The following ARL8A variants were observed in gnomAD, a reference collection of about 807,000 sequenced individuals.
The protein encoded by ARL8A is ARF like GTPase 8A, also known as ADP-ribosylation factor-like protein 8A.
ARL8A carries 10 observed loss-of-function variants against 31.2 expected under a neutral mutation model. The ratio of observed to expected loss-of-function variants is 0.32; its 90% CI spans 0.20 to 0.54. ARL8A has a LOEUF of 0.54. Ranked by LOEUF, ARL8A falls within the 20% of genes least tolerant of loss-of-function variation. The probability of loss-of-function intolerance (pLI) is 0.93; values close to 1 mark genes in which losing one functional copy is unlikely to be tolerated. For synonymous variants in ARL8A, 70 were observed against 86.9 expected (o/e 0.81, Z 1.08); for missense variants, 129 against 242.8 (o/e 0.53, Z 3.12).
At chr1:202,143,263 C>T (rs1655209041) in intron 1 of ARL8A, among the ~76,000 whole-genome samples, 1 of 152,214 alleles carries the variant, frequency 6.6e-6, no homozygotes, top group Non-Finnish European at 1.5e-5. Flanking sequence ...CTTCATGCCT[C>T]AGGTCCAATG....
chr1:202,135,370 A>G lies in ARL8A; in HGVS notation c.440+89T>C, dbSNP rs1315471886. The stretch of plus-strand genomic sequence containing the variant: ...TCGGCTCTGCTGCCACCGTGTGGCT[A>G]ATACTAAGAACAGCAGCAAGCCTAG... On this transcript the variant is annotated intron_variant, in intron 5 of 6. Transcript: ENST00000272217. This position sits in a 1 kb window ranked among gnomAD's most constrained non-coding sequence, Gnocchi z 5.3. The G allele has an allele frequency of 2.6e-6, 4 of 1,525,070 alleles. No homozygotes were observed. The East Asian group carries it at 6.8e-5, about 26-fold the overall frequency. The allele number at this position is 1,525,070 out of a possible 1,614,324, so 94.5% of individuals were successfully genotyped here.
rs1655055565 is a variant in ARL8A at position 202,137,891 on chromosome 1, T to G, written c.278+74A>C. On this transcript the variant is annotated intron_variant, in intron 3 of 6. Coordinates refer to ENST00000272217, the MANE Select transcript of ARL8A (RefSeq NM_138795.4). ...TATGTCTAATAAAACCCTGCGCCTC[T>G]GAGGTCCTCGAAGGTAGCAGGGCTA... The G allele has an allele frequency of 7.9e-6, 12 of 1,524,086 alleles. No homozygotes were observed. In the South Asian group the frequency reaches 1.1e-4, roughly 14 times the overall value. 94.4% of individuals were successfully genotyped at this position (1,524,086 alleles called of 1,614,324 possible). A position where few individuals can be genotyped will look rare whatever the true frequency, so the allele number is the denominator to read the frequency against.
In ARL8A at chr1:202,144,378, G is replaced by A. The variant is rs866473269; in HGVS notation, c.123+72C>T. ...CCAGGCGGCGACCCCGGCTCAGCAG[G>A]GCGCGGCGCGGGCGGGGACAGGCCC... On this transcript the variant is annotated intron_variant, in intron 1 of 6. Transcript: ENST00000272217. This position sits in a 1 kb window ranked among gnomAD's most constrained non-coding sequence, Gnocchi z 5.2. 9.0e-6 allele frequency: 9 copies of A among 1,003,450 alleles called. 1 individual carries two copies. In the Middle Eastern group the frequency reaches 1.7e-3, roughly 186 times the overall value. 62.2% of individuals were successfully genotyped at this position (1,003,450 alleles called of 1,614,324 possible). A position where few individuals can be genotyped will look rare whatever the true frequency, so the allele number is the denominator to read the frequency against.
At chr1:202,142,679 T>C (rs1027702739) in intron 1 of ARL8A, among the ~76,000 whole-genome samples, 4 of 152,212 alleles carry the variant, frequency 2.6e-5, no homozygotes, top group Non-Finnish European at 5.9e-5. Flanking sequence ...CAGGAACTCT[T>C]GACCCTGGCA....
At position 202,144,583 on chromosome 1, in the gene ARL8A, G is replaced by C; in HGVS notation, c.-11C>G. On this transcript the variant is annotated 5_prime_UTR_variant, in exon 1 of 7. Coordinates refer to ENST00000272217, the MANE Select transcript of ARL8A (RefSeq NM_138795.4). This position sits in a 1 kb window ranked among gnomAD's most constrained non-coding sequence, Gnocchi z 5.2. The stretch of plus-strand genomic sequence containing the variant: ...GAACAAAGCGATCATGGTCGCTGCC[G>C]CCGGCCCCGCCCGGTGCCAGGTCCC... 1 of 1,409,244 alleles carries C rather than the reference G, an allele frequency of 7.1e-7. No homozygotes were observed. Among genetic ancestry groups the C allele is most frequent in the Non-Finnish European group, 9.4e-7 (1 of 1,059,320 alleles). 87.3% of individuals were successfully genotyped at this position (1,409,244 alleles called of 1,614,324 possible).
At chr1:202,141,537 G>A (rs1002069903) in intron 1 of ARL8A, among the ~76,000 whole-genome samples, 1 of 151,762 alleles carries the variant, frequency 6.6e-6, no homozygotes, top group African/African-American at 2.4e-5. Context: ...AGCTACTCGG[G>A]AGACTGAGGC....
At position 202,138,347 on chromosome 1, in the gene ARL8A, C is replaced by T; in HGVS notation, c.204+21G>A. The stretch of plus-strand genomic sequence containing the variant: ...CACACAAAAACAGTCCTCTGCACCC[C>T]CCAAGCTTCTGGGCCCTCACCTTGA... On this transcript the variant is annotated intron_variant, in intron 2 of 6. Transcript: ENST00000272217. This position sits in a 1 kb window ranked among gnomAD's most constrained non-coding sequence, Gnocchi z 4.4. The T allele has an allele frequency of 6.2e-7, 1 of 1,606,002 alleles. No homozygotes were observed.
At chr1:202,141,060 A>G (rs1655154619) in intron 1 of ARL8A, among the ~76,000 whole-genome samples, 1 of 152,180 alleles carries the variant, frequency 6.6e-6, no homozygotes, top group African/African-American at 2.4e-5. Context: ...AGTAAATGAG[A>G]AGCCCAGCCT....
rs56027245 is a variant in ARL8A, at chr1:202,144,070, G to A, written c.123+380C>T. 0.19 allele frequency among the ~76,000 whole-genome samples: 28,986 copies of A among 152,176 alleles called. 2,875 individuals are homozygous for A. The highest frequency in any genetic ancestry group is 0.24 in the African/African-American group (9,884 of 41,554). On this transcript the variant is annotated intron_variant, in intron 1 of 6. Coordinates refer to ENST00000272217, the MANE Select transcript of ARL8A (RefSeq NM_138795.4). The surrounding 1 kb of genome is among the most constrained non-coding windows in gnomAD (Gnocchi z 5.2). ...CTCTACCCGCGGGACAGGAAGGCCC[G>A]TGCACTTTCGCCCCGTCATGCCCCC...
At position 202,138,478 on chromosome 1, in the gene ARL8A, T is replaced by A; in HGVS notation, c.124-30A>T. ...AAAGAAGACTCAGAATGGGAAACAG[T>A]GCAAAAATCGATATGCCCCCACCGC... On this transcript the variant is annotated intron_variant, in intron 1 of 6. Transcript: ENST00000272217. The surrounding 1 kb of genome is among the most constrained non-coding windows in gnomAD (Gnocchi z 4.4). 6.2e-7 allele frequency: 1 copy of A among 1,604,650 alleles called. No homozygotes were observed. Among genetic ancestry groups the A allele is most frequent in the South Asian group, 1.1e-5 (1 of 90,850 alleles).
At position 202,144,214 on chromosome 1, in the gene ARL8A, C is replaced by T. The variant is rs1655240615; in HGVS notation, c.123+236G>A. On this transcript the variant is annotated intron_variant, in intron 1 of 6. Coordinates refer to ENST00000272217, the MANE Select transcript of ARL8A (RefSeq NM_138795.4). This position sits in a 1 kb window ranked among gnomAD's most constrained non-coding sequence, Gnocchi z 5.2. ...CTGTCTGTTCGTCCCCCTTCCCCTG[C>T]CCCCAGCCGTGCAGTACCGGCCCGG... is the stretch of plus-strand genomic sequence containing the variant. 6.6e-6 allele frequency among the ~76,000 whole-genome samples: 1 copy of T among 152,058 alleles called. No individual in the cohort carries two copies. Among genetic ancestry groups the T allele is most frequent in the Non-Finnish European group, 1.5e-5 (1 of 67,972 alleles).
At position 202,134,725 on chromosome 1, in the gene ARL8A, T is replaced by C. The variant is rs1654956849; in HGVS notation, c.512-209A>G. 6.6e-6 allele frequency among the ~76,000 whole-genome samples: 1 copy of C among 152,092 alleles called. No homozygotes were observed. Among genetic ancestry groups the C allele is most frequent in the African/African-American group, 2.4e-5 (1 of 41,424 alleles). The stretch of plus-strand genomic sequence containing the variant: ...TGGAGTTGGAGGCTGCAGTGAGCTA[T>C]GGTCACGCCACTGAACTCCAGCCTG... On this transcript the variant is annotated intron_variant, in intron 6 of 6. Transcript: ENST00000272217. This position sits in a 1 kb window ranked among gnomAD's most constrained non-coding sequence, Gnocchi z 4.2.
Position 202,134,806 on chromosome 1 carries a change from C to T in ARL8A, c.512-290G>A, listed in dbSNP as rs563337857. Among the ~76,000 whole-genome samples, 7 of 152,262 alleles carry T rather than the reference C, an allele frequency of 4.6e-5. No individual in the cohort carries two copies. The South Asian group carries it at 1.0e-3, about 23-fold the overall frequency. ...AAACAAGAAGTCCAGAGCTGGCAAG[C>T]GCCACATGGCCCTGAATGAGTAGTA... is the stretch of plus-strand genomic sequence containing the variant. On this transcript the variant is annotated intron_variant, in intron 6 of 6. Transcript: ENST00000272217. The surrounding 1 kb of genome is among the most constrained non-coding windows in gnomAD (Gnocchi z 4.2).
chr1:202,140,344 T>C (rs76850405), intron 1 of ARL8A, among the ~76,000 whole-genome samples: 4,226 of 150,812 alleles, frequency 0.028, 164 homozygotes, highest in East Asian at 0.14. Flanking sequence ...GGTTTCACCA[T>C]GTTGGCCAGG....
chr1:202,143,057 G>T (rs1451613883), intron 1 of ARL8A, among the ~76,000 whole-genome samples: 1 of 152,200 alleles, frequency 6.6e-6, no homozygotes, highest in Non-Finnish European at 1.5e-5. Context: ...GGCAGACAGA[G>T]CCCAGGGGTG....
rs1654992872 is a variant in ARL8A at position 202,135,912 on chromosome 1, A to G, written c.279-112T>C. On this transcript the variant is annotated intron_variant, in intron 3 of 6. Transcript: ENST00000272217. This position sits in a 1 kb window ranked among gnomAD's most constrained non-coding sequence, Gnocchi z 5.3. The stretch of plus-strand genomic sequence containing the variant: ...TGAAAGCATCTGTTGCAGCTTGGTC[A>G]CCTCGGGATCCATGGGCTACCTGGC... 1 of 1,000,754 alleles carries G rather than the reference A, an allele frequency of 1.0e-6. No individual in the cohort carries two copies. Among genetic ancestry groups the G allele is most frequent in the African/African-American group, 1.6e-5 (1 of 62,630 alleles). 62.0% of individuals were successfully genotyped at this position (1,000,754 alleles called of 1,614,324 possible). A position where few individuals can be genotyped will look rare whatever the true frequency, so the allele number is the denominator to read the frequency against.
In ARL8A at chr1:202,135,213, A is replaced by C; in HGVS notation, c.448T>G (p.Ser150Ala). ...CAGATCTCTCGGTCCTGGATGGCAGACAGATTCCTGGGGGAAACCAGAGTA... is the reference window on the plus strand; with the variant it reads ...CAGATCTCTCGGTCCTGGATGGCAGCCAGATTCCTGGGGGAAACCAGAGTA... ...EKELIEKMNL[S>A]AIQDREICCY... Residue 150 changes from serine (S) to alanine (A), a missense_variant, in exon 6 of 7, where the codon TCT becomes GCT. Coordinates refer to ENST00000272217, the MANE Select transcript of ARL8A (RefSeq NM_138795.4). The surrounding 1 kb of genome is among the most constrained non-coding windows in gnomAD (Gnocchi z 5.3). The C allele has an allele frequency of 6.2e-7, 1 of 1,614,100 alleles. No homozygotes were observed. Among genetic ancestry groups the C allele is most frequent in the Non-Finnish European group, 8.5e-7 (1 of 1,179,962 alleles).
intron 1 of ARL8A, among the ~76,000 whole-genome samples, chr1:202,143,563 C>T (rs189554535): frequency 6.6e-5 from 10 of 152,330 alleles, no homozygotes; most frequent in South Asian, 4.1e-4. Flanking sequence ...GCAGCCATTA[C>T]GGCAGCCTCA....
intron 1 of ARL8A, among the ~76,000 whole-genome samples, chr1:202,139,913 G>T (rs12402757): frequency 0.48 from 73,438 of 151,596 alleles, 18,062 homozygotes; most frequent in South Asian, 0.52. Flanking sequence ...CTCCCAAAGC[G>T]CTGGGATTAT....
Sources: allele counts gnomAD v4.1 joint callset (sites outside exome capture counted in the v4.1 genomes callset), GRCh38; gene constraint gnomAD v4.1.1; non-coding constraint Gnocchi (gnomAD v3.1); transcripts MANE v1.5; gene names NCBI Gene and HGNC (gene_info 2026-07-23, HGNC 2026-07-21).